NETO1: variants seen among roughly 807,000 people sequenced by gnomAD.
NETO1 encodes the protein neuropilin and tolloid-like protein 1.
In NETO1, 26 loss-of-function variants were observed where a neutral mutation model predicts 61.3. That is an observed-to-expected ratio of 0.42 (90% CI 0.31 to 0.59). The LOEUF is 0.59. Among genes scored for constraint, NETO1 ranks in the 20% least tolerant of loss-of-function variants. NETO1 has a pLI of 0.12. For missense variants in NETO1, 531 were observed against 662.8 expected, an observed-to-expected ratio of 0.80 and a Z score of 2.18; for synonymous variants, 225 against 225.8, an observed-to-expected ratio of 1.00 and a Z score of 0.03.
intron 4 of NETO1, among the ~76,000 whole-genome samples, chr18:72,826,213 A>G (rs913772433): frequency 1.3e-5 from 2 of 152,110 alleles, no homozygotes; most frequent in Non-Finnish European, 2.9e-5. Flanking sequence ...TTTTATTTGA[A>G]CATTTTCTTA....
At chr18:72,848,756 C>G (rs911089678) in intron 4 of NETO1, among the ~76,000 whole-genome samples, 1 of 152,176 alleles carries the variant, frequency 6.6e-6, no homozygotes, top group Non-Finnish European at 1.5e-5. Context: ...CACAGTAGCA[C>G]ACCTGCAGCT....
chr18:72,836,005 G>A (rs2073735940), intron 4 of NETO1, among the ~76,000 whole-genome samples: 1 of 152,192 alleles, frequency 6.6e-6, no homozygotes, highest in Non-Finnish European at 1.5e-5. Flanking sequence ...CTTGACGTAG[G>A]AAGAGGGAAG....
At chr18:72,774,421 C>G (rs2071476088) in intron 7 of NETO1, among the ~76,000 whole-genome samples, 1 of 151,960 alleles carries the variant, frequency 6.6e-6, no homozygotes, top group Non-Finnish European at 1.5e-5. Flanking sequence ...TATGTGTATT[C>G]AAAATTAAAA....
chr18:72,865,728 C>T (rs2145701921), intron 1 of NETO1: 9 of 1,505,968 alleles, frequency 6.0e-6, no homozygotes, highest in Non-Finnish European at 8.0e-6. Context: ...TTAGACAAAT[C>T]CTACAGACTG....
At chr18:72,764,216 G>A (rs1423193821) in intron 7 of NETO1, among the ~76,000 whole-genome samples, 1 of 152,014 alleles carries the variant, frequency 6.6e-6, no homozygotes, top group African/African-American at 2.4e-5. Flanking sequence ...TATCAGCCTT[G>A]AATATTTACT....
chr18:72,825,130 G>C (rs74814208), intron 4 of NETO1, among the ~76,000 whole-genome samples: 1,569 of 152,206 alleles, frequency 0.01, 26 homozygotes, highest in East Asian at 0.053. Context: ...ATTAGCAAGA[G>C]TTAGTCCTGA....
chr18:72,753,880 GA>G (rs1318493983), intron 8 of NETO1, among the ~76,000 whole-genome samples: 1 of 151,982 alleles, frequency 6.6e-6, no homozygotes, highest in Non-Finnish European at 1.5e-5. Flanking sequence ...CAAATGAAGA[GA>G]ACCAGAAATA....
chr18:72,760,883 T>C (rs12955852), intron 7 of NETO1, among the ~76,000 whole-genome samples: 47,894 of 152,022 alleles, frequency 0.32, 8,239 homozygotes, highest in South Asian at 0.4. Context: ...TTTATATCTA[T>C]ATAATGGGGA....
intron 7 of NETO1, among the ~76,000 whole-genome samples, chr18:72,761,197 C>T (rs1335174372): frequency 1.3e-5 from 2 of 152,132 alleles, no homozygotes; most frequent in Non-Finnish European, 2.9e-5. Context: ...GAAAATCATT[C>T]ACAGATCCCT....
chr18:72,772,195 G>C (rs2071373670), intron 7 of NETO1, among the ~76,000 whole-genome samples: 1 of 152,094 alleles, frequency 6.6e-6, no homozygotes, highest in Non-Finnish European at 1.5e-5. Flanking sequence ...TTTATGGCCA[G>C]GTGGAGTGTT....
At chr18:72,806,734 T>C (rs1012220188) in intron 4 of NETO1, among the ~76,000 whole-genome samples, 1 of 152,192 alleles carries the variant, frequency 6.6e-6, no homozygotes, top group Non-Finnish European at 1.5e-5. Flanking sequence ...CTTGTTCTCA[T>C]TCAATTCCCA....
chr18:72,814,596 C>A (rs1017559771), intron 4 of NETO1, among the ~76,000 whole-genome samples: 1 of 151,996 alleles, frequency 6.6e-6, no homozygotes, highest in African/African-American at 2.4e-5. Flanking sequence ...TGGACTAGAA[C>A]ACAAATCTAA....
chr18:72,810,193 T>A (rs1403185481), intron 4 of NETO1, among the ~76,000 whole-genome samples: 5 of 152,192 alleles, frequency 3.3e-5, no homozygotes, highest in Admixed American at 6.5e-5. Flanking sequence ...AATATTCAAA[T>A]CTTCCCATCT....
chr18:72,834,233 ATAAGTTT>A, intron 4 of NETO1: 1 of 696,348 alleles, frequency 1.4e-6, no homozygotes, highest in Non-Finnish European at 1.8e-6. Context: ...TAATTGCAAA[ATAAGTTT>A]TAACTATCCT....
At chr18:72,805,660 C>T (rs536512732) in intron 4 of NETO1, among the ~76,000 whole-genome samples, 94 of 152,210 alleles carry the variant, frequency 6.2e-4, no homozygotes, top group Middle Eastern at 6.8e-3. Flanking sequence ...ATTAGGCAGT[C>T]GACCTCCAGA....
chr18:72,861,107 A>G (rs924013020), intron 3 of NETO1, among the ~76,000 whole-genome samples: 5 of 152,192 alleles, frequency 3.3e-5, no homozygotes, highest in African/African-American at 1.2e-4. Flanking sequence ...AATAATGGCC[A>G]TCTAACATGA....
At chr18:72,758,485 A>T (rs1277695553) in intron 7 of NETO1, among the ~76,000 whole-genome samples, 1 of 151,686 alleles carries the variant, frequency 6.6e-6, no homozygotes, top group East Asian at 1.9e-4. Flanking sequence ...TTTGCTAATA[A>T]AGAATTGCTG....
chr18:72,819,531 G>C (rs973869552), intron 4 of NETO1, among the ~76,000 whole-genome samples: 1 of 152,100 alleles, frequency 6.6e-6, no homozygotes, highest in Non-Finnish European at 1.5e-5. Flanking sequence ...TAGTCATCAA[G>C]CATTTAATTA....
At chr18:72,787,125 A>G (rs1339211605) in intron 6 of NETO1, among the ~76,000 whole-genome samples, 1 of 149,456 alleles carries the variant, frequency 6.7e-6, no homozygotes, top group Non-Finnish European at 1.5e-5. Flanking sequence ...AAAACACTGT[A>G]AAAATCAAAG....
Sources: allele counts gnomAD v4.1 joint callset (sites outside exome capture counted in the v4.1 genomes callset), GRCh38; gene constraint gnomAD v4.1.1; transcripts MANE v1.5; gene names NCBI Gene and HGNC (gene_info 2026-07-23, HGNC 2026-07-21).